The following TTC28 variants were observed in gnomAD, a reference collection of about 807,000 sequenced individuals.
TTC28 encodes tetratricopeptide repeat protein 28.
In TTC28, 61 loss-of-function variants were observed where a neutral mutation model predicts 198.0. The ratio of observed to expected loss-of-function variants is 0.31; its 90% CI spans 0.25 to 0.38. TTC28 has a LOEUF of 0.38. Ranked by LOEUF, TTC28 falls within the 10% of genes least tolerant of loss-of-function variation. The pLI, the probability that TTC28 is intolerant of heterozygous loss-of-function variation, is 1.00. For missense variants in TTC28, 2,678 were observed against 3,164.0 expected (o/e 0.85, Z 3.69); for synonymous variants, 1,171 against 1,297.8 (o/e 0.90, Z 2.10).
intron 5 of TTC28, among the ~76,000 whole-genome samples, chr22:28,233,268 T>A (rs1363408294): frequency 6.6e-6 from 1 of 152,196 alleles, no homozygotes; most frequent in Non-Finnish European, 1.5e-5. Flanking sequence ...GTTCTCCCAG[T>A]TGAGTTATAT....
At chr22:28,134,351 T>G (rs1037202379) in intron 6 of TTC28, among the ~76,000 whole-genome samples, 1 of 152,202 alleles carries the variant, frequency 6.6e-6, no homozygotes, top group African/African-American at 2.4e-5. Context: ...GGAACACAGC[T>G]GGACGGAGAA....
At chr22:28,414,663 T>C (rs1180276539) in intron 2 of TTC28, among the ~76,000 whole-genome samples, 2 of 152,012 alleles carry the variant, frequency 1.3e-5, no homozygotes, top group Non-Finnish European at 2.9e-5. Flanking sequence ...TGGGGAAGAA[T>C]TGAAGAGGGA....
At chr22:28,344,843 G>C (rs959822159) in intron 2 of TTC28, among the ~76,000 whole-genome samples, 1 of 152,196 alleles carries the variant, frequency 6.6e-6, no homozygotes, top group Non-Finnish European at 1.5e-5. Flanking sequence ...GAGTGAAAGA[G>C]GAAGGAGAAG....
intron 12 of TTC28, among the ~76,000 whole-genome samples, chr22:28,047,893 G>A (rs1243119555): frequency 6.6e-6 from 1 of 152,106 alleles, no homozygotes; most frequent in Non-Finnish European, 1.5e-5. Flanking sequence ...TCATATTGCT[G>A]GTAGGCATGA....
Position 28,253,572 on chromosome 22 carries a change from T to G in TTC28, c.933+42626A>C, listed in dbSNP as rs983330088. Among the ~76,000 whole-genome samples the G allele has an allele frequency of 2.0e-5, 3 of 152,214 alleles. No homozygotes were observed. The East Asian group carries it at 5.8e-4, about 29-fold the overall frequency. On this transcript the variant is annotated intron_variant, in intron 5 of 22. Coordinates refer to ENST00000397906, the MANE Select transcript of TTC28 (RefSeq NM_001145418.2). ...CACCAACCACACAGTACCTGGCACA[T>G]AGTATCCAATATATACTTGTTAAAT...
intron 2 of TTC28, among the ~76,000 whole-genome samples, chr22:28,316,617 T>C (rs1477664743): frequency 6.6e-6 from 1 of 152,216 alleles, no homozygotes; most frequent in African/African-American, 2.4e-5. Context: ...TTTTGATTTA[T>C]TTCATGAGCA....
chr22:28,653,717 C>T (rs951262049), intron 1 of TTC28, among the ~76,000 whole-genome samples: 4 of 152,154 alleles, frequency 2.6e-5, no homozygotes, highest in Non-Finnish European at 5.9e-5. Context: ...CCTTCCCATA[C>T]TAGGTATATA....
intron 6 of TTC28, among the ~76,000 whole-genome samples, chr22:28,162,061 A>C (rs1427205399): frequency 6.6e-6 from 1 of 152,128 alleles, no homozygotes; most frequent in Admixed American, 6.5e-5. Flanking sequence ...TGCCAGGCAC[A>C]GGGATAAGTT....
intron 2 of TTC28, among the ~76,000 whole-genome samples, chr22:28,347,352 G>T (rs562803523): frequency 1.3e-5 from 2 of 151,910 alleles, no homozygotes; most frequent in South Asian, 4.2e-4. Flanking sequence ...TGCTCCTTCA[G>T]TTACTTCTAC....
chr22:28,600,268 G>T (rs1458831102), intron 2 of TTC28, among the ~76,000 whole-genome samples: 2 of 152,006 alleles, frequency 1.3e-5, no homozygotes, highest in African/African-American at 4.8e-5. Flanking sequence ...AGCTGGGCAT[G>T]GTGGCACACG....
rs935093935 is a variant in TTC28 at position 28,645,196 on chromosome 22, C to CA, written c.103-15367dup. On this transcript the variant is annotated intron_variant, in intron 1 of 22. Transcript: ENST00000397906. ...GGGCAACAAGGGTGAAACTCCGTCT[C>CA]AAAAAAAAATTGTAATAATAATAAT... Among the ~76,000 whole-genome samples the CA allele has an allele frequency of 6.0e-5, 9 of 150,696 alleles. 1 individual carries two copies. Among genetic ancestry groups the CA allele is most frequent in the Admixed American group, 6.6e-5 (1 of 15,116 alleles).
chr22:28,411,010 G>GAAAATGAAAA (rs134550), intron 2 of TTC28, among the ~76,000 whole-genome samples: 1 of 151,676 alleles, frequency 6.6e-6, no homozygotes. Flanking sequence ...ATGGTAATTT[G>GAAAATGAAAA]AAAATGAAAA....
chr22:28,678,922 C>A (rs1338925043), intron 1 of TTC28, among the ~76,000 whole-genome samples: 1 of 152,170 alleles, frequency 6.6e-6, no homozygotes, highest in Non-Finnish European at 1.5e-5. Flanking sequence ...GAGCCACAGT[C>A]CGTGGCATTT....
At chr22:28,340,492 C>G (rs1387159391) in intron 2 of TTC28, among the ~76,000 whole-genome samples, 1 of 149,608 alleles carries the variant, frequency 6.7e-6, no homozygotes, top group Non-Finnish European at 1.5e-5. Context: ...AGAAGAAGAA[C>G]ACCTAATATA....
chr22:28,051,674 G>A (rs772685376), intron 12 of TTC28, among the ~76,000 whole-genome samples: 4 of 152,272 alleles, frequency 2.6e-5, no homozygotes, highest in Non-Finnish European at 4.4e-5. Context: ...CTGTTGTCAC[G>A]TCATGAAAGC....
rs1941258827 is a variant in TTC28 at position 28,079,225 on chromosome 22, GAGA to G, written c.3932+14852_3932+14854del. Among the ~76,000 whole-genome samples the G allele has an allele frequency of 2.0e-5, 3 of 152,326 alleles. No homozygotes were observed. In the South Asian group the frequency reaches 6.2e-4, roughly 32 times the overall value. ...AATGGGTTTGGAAAGCCATGAGAGG[GAGA>G]AGGAGAAGACAGATAAGATAGGAAG... On this transcript the variant is annotated intron_variant, in intron 12 of 22. Transcript: ENST00000397906.
chr22:28,053,694 C>T (rs1940170906), intron 12 of TTC28, among the ~76,000 whole-genome samples: 1 of 152,168 alleles, frequency 6.6e-6, no homozygotes, highest in Admixed American at 6.5e-5. Context: ...TTTGACTGCA[C>T]ATATTCCAGG....
chr22:28,639,718 C>T (rs998939296), intron 1 of TTC28, among the ~76,000 whole-genome samples: 1 of 152,206 alleles, frequency 6.6e-6, no homozygotes, highest in Admixed American at 6.5e-5. Flanking sequence ...ATTGTGAGGA[C>T]TCCACAGCCA....
chr22:28,014,277 A>G lies in TTC28; in HGVS notation c.4189T>C (p.Tyr1397His). Residue 1397 changes from tyrosine (Y) to histidine (H), a missense_variant, in exon 14 of 23, where the codon TAT becomes CAT. Coordinates refer to ENST00000397906, the MANE Select transcript of TTC28 (RefSeq NM_001145418.2). ...SFAKPPLRAL[Y>H]DLLIAPMEGG... ...TCCATGGGCGCGATGAGCAGGTCAT[A>G]CAGGGCACGGAGCGGGGGCTTGGCA... 1 of 1,551,592 alleles carries G rather than the reference A, an allele frequency of 6.4e-7. No individual in the cohort carries two copies. The highest frequency in any genetic ancestry group is 1.4e-5 in the African/African-American group (1 of 73,164).
Sources: allele counts gnomAD v4.1 joint callset (sites outside exome capture counted in the v4.1 genomes callset), GRCh38; gene constraint gnomAD v4.1.1; transcripts MANE v1.5; gene names NCBI Gene and HGNC (gene_info 2026-07-23, HGNC 2026-07-21).